Variants in AMPH observed in about 807,000 individuals in gnomAD.
The protein encoded by AMPH is amphiphysin (Stiff-Mann syndrome with breast cancer 128kD autoantigen).
A neutral mutation model predicts 99.1 loss-of-function variants in AMPH; 49 were observed. The observed-to-expected ratio is 0.49, with a 90% CI of 0.39 to 0.63. The LOEUF (loss-of-function observed/expected upper bound fraction) is 0.63. Among genes scored for constraint, AMPH ranks in the 20% least tolerant of loss-of-function variants. The probability of loss-of-function intolerance (pLI) is 0.00; values close to 1 mark genes in which losing one functional copy is unlikely to be tolerated. For missense variants in AMPH, 759 were observed against 863.4 expected (o/e 0.88, Z 1.52); for synonymous variants, 314 against 317.3 (o/e 0.99, Z 0.11).
intron 9 of AMPH, 63 bp from the exon 10 acceptor site, chr7:38,463,176 G>GA: frequency 9.3e-6 from 15 of 1,610,402 alleles, no homozygotes; most frequent in Non-Finnish European, 1.3e-5. Flanking sequence ...CTAATCAGGG[G>GA]TTTTCCATTT....
chr7:38,541,384 G>C (rs191983942), intron 1 of AMPH, among the ~76,000 whole-genome samples: 52 of 128,550 alleles, frequency 4.0e-4, no homozygotes, highest in Middle Eastern at 3.9e-3. Flanking sequence ...CTTTCCGAGT[G>C]TGTGTCAGGA....
chr7:38,547,784 TGGA>T, intron 1 of AMPH, among the ~76,000 whole-genome samples: 1 of 152,166 alleles, frequency 6.6e-6, no homozygotes, highest in African/African-American at 2.4e-5. Context: ...CAACTTGAGG[TGGA>T]GAAGAGGGCT....
chr7:38,562,731 C>A (rs1340281748), intron 1 of AMPH, among the ~76,000 whole-genome samples: 1 of 151,808 alleles, frequency 6.6e-6, no homozygotes, highest in East Asian at 1.9e-4. Flanking sequence ...GAAAAAAAAA[C>A]CAAAAGCATC....
intron 1 of AMPH, among the ~76,000 whole-genome samples, chr7:38,573,376 T>C (rs372584957): frequency 2.3e-5 from 1 of 43,888 alleles, no homozygotes; most frequent in African/African-American, 1.1e-4. Context: ...TACATACATG[T>C]ATGTATACAC....
chr7:38,501,952 T>A, intron 3 of AMPH, among the ~76,000 whole-genome samples: 1 of 152,196 alleles, frequency 6.6e-6, no homozygotes, highest in Admixed American at 6.5e-5. Context: ...TAAAATCTTC[T>A]TTTCAATGCT....
chr7:38,433,568 A>G (rs563172480), intron 12 of AMPH, among the ~76,000 whole-genome samples: 4 of 145,904 alleles, frequency 2.7e-5, no homozygotes, highest in Non-Finnish European at 6.0e-5. Flanking sequence ...TACTAAAAAT[A>G]CAAAAAATTA....
At chr7:38,495,238 T>C (rs144207434) in intron 3 of AMPH, among the ~76,000 whole-genome samples, 2 of 152,348 alleles carry the variant, frequency 1.3e-5, no homozygotes, top group African/African-American at 4.8e-5. Flanking sequence ...GACATATTTT[T>C]CGTCACAGAC....
intron 1 of AMPH, among the ~76,000 whole-genome samples, chr7:38,551,631 A>AATGC (rs1159253192): frequency 6.6e-6 from 1 of 152,162 alleles, no homozygotes; most frequent in Non-Finnish European, 1.5e-5. Flanking sequence ...ATCCTCCAAG[A>AATGC]ATGCCCAGGA....
chr7:38,424,824 G>A (rs752332181), intron 15 of AMPH, among the ~76,000 whole-genome samples: 1 of 152,146 alleles, frequency 6.6e-6, no homozygotes, highest in Non-Finnish European at 1.5e-5. Context: ...CAGAGAGAAA[G>A]AGAGAAAAGG....
intron 17 of AMPH, among the ~76,000 whole-genome samples, chr7:38,399,989 C>G (rs1336807722): frequency 1.3e-5 from 2 of 152,188 alleles, no homozygotes; most frequent in Non-Finnish European, 2.9e-5. Flanking sequence ...GTCCATCACA[C>G]AGAAATCACA....
chr7:38,393,953 C>T, intron 18 of AMPH, 52 bp downstream of exon 18: 1 of 1,581,966 alleles, frequency 6.3e-7, no homozygotes. Flanking sequence ...ACAGAGCACC[C>T]AGCCCATGCT....
intron 11 of AMPH, among the ~76,000 whole-genome samples, chr7:38,437,468 C>A (rs912562254): frequency 6.6e-6 from 1 of 151,596 alleles, no homozygotes; most frequent in Non-Finnish European, 1.5e-5. Flanking sequence ...TCATCACAGA[C>A]ATTAAAAACT....
At chr7:38,528,150 T>C (rs991615788) in intron 2 of AMPH, among the ~76,000 whole-genome samples, 4 of 152,212 alleles carry the variant, frequency 2.6e-5, no homozygotes, top group African/African-American at 7.2e-5. Flanking sequence ...CATTTGCTGA[T>C]ATTTGAAAGA....
chr7:38,394,006 T>A lies in AMPH; in HGVS notation c.1607A>T (p.Gln536Leu). ...EAEELEATVP[Q>L]EKVIPSVVIE... The stretch of plus-strand genomic sequence containing the variant: ...CTGGCTGCGACATGGGACACTCACC[T>A]GAGGCACTGTTGCTTCGAGCTCCTC... Residue 536 changes from glutamine (Q) to leucine (L), a missense_variant and splice_region_variant, in exon 18 of 21, where the codon CAG (glutamine) becomes CTG (leucine). Physicochemically the swap from Gln to Leu is moderately radical, Grantham distance 113 (BLOSUM62 -2). This residue lies in a region of AMPH where 554 missense variants were observed against 575.6 expected (regional missense o/e 0.96). Coordinates refer to ENST00000356264, the MANE Select transcript of AMPH (RefSeq NM_001635.4). 1.9e-6 allele frequency: 3 copies of A among 1,614,192 alleles called. No individual in the cohort carries two copies. The highest frequency in any genetic ancestry group is 2.5e-6 in the Non-Finnish European group (3 of 1,180,012).
chr7:38,448,917 G>A (rs1584106318), intron 11 of AMPH, among the ~76,000 whole-genome samples: 2 of 152,240 alleles, frequency 1.3e-5, no homozygotes, highest in Admixed American at 1.3e-4. Flanking sequence ...CAAGTTGGTA[G>A]GCTGCAAAAT....
At position 38,393,846 on chromosome 7, in the gene AMPH, G is replaced by A. The variant is rs116773080; in HGVS notation, c.1608+159C>T. Among the ~76,000 whole-genome samples the A allele has an allele frequency of 4.2e-3, 638 of 152,340 alleles. 4 individuals are homozygous for A. The highest frequency in any genetic ancestry group is 0.014 in the African/African-American group (594 of 41,584). ...TGCTGATACTGAGCAGCTGGGATTA[G>A]TCTTTCTGAGAATCTGATAATAATG... On this transcript the variant is annotated intron_variant, in intron 18 of 20. Coordinates refer to ENST00000356264, the MANE Select transcript of AMPH (RefSeq NM_001635.4).
intron 1 of AMPH, among the ~76,000 whole-genome samples, chr7:38,625,852 T>C (rs1439611422): frequency 2.0e-5 from 3 of 152,228 alleles, no homozygotes; most frequent in Non-Finnish European, 4.4e-5. Flanking sequence ...GCTATGCAGA[T>C]ATCCATATAC....
intron 15 of AMPH, among the ~76,000 whole-genome samples, chr7:38,423,185 A>C (rs1304412815): frequency 1.3e-5 from 2 of 152,224 alleles, no homozygotes; most frequent in Non-Finnish European, 2.9e-5. Context: ...CAATCTCACT[A>C]TATTACTTAA....
chr7:38,610,316 GAAAAGAAAAGAAAAGAAAAAA>G (rs1793609592), intron 1 of AMPH, among the ~76,000 whole-genome samples: 1 of 25,450 alleles, frequency 3.9e-5, no homozygotes, highest in Non-Finnish European at 7.6e-5. Flanking sequence ...GAAAAGAAAA[GAAAAGAAAAGAAAAGAAAAAA>G]GAAAAGAAAA....
Sources: gnomAD v4.1 joint callset for allele counts (sites outside exome capture counted in the v4.1 genomes callset) on GRCh38, gnomAD v4.1.1 for gene constraint, gnomAD v4.1.1 regional missense constraint, MANE v1.5 for transcripts, NCBI Gene and HGNC (gene_info 2026-07-23, HGNC 2026-07-21) for gene names.